PIK3CD: variants seen among roughly 807,000 people sequenced by gnomAD.
PIK3CD encodes phosphatidylinositol-4,5-bisphosphate 3-kinase catalytic subunit delta, also known as phosphatidylinositol 4,5-bisphosphate 3-kinase catalytic subunit delta isoform.
Under a neutral mutation model 122.9 loss-of-function variants are expected in PIK3CD, and 20 were observed. The observed-to-expected ratio is 0.16, with a 90% CI of 0.11 to 0.24. PIK3CD has a LOEUF of 0.24. PIK3CD is among the 10% of genes least tolerant of loss of function. PIK3CD has a pLI of 1.00. For synonymous variants in PIK3CD, 596 were observed against 593.4 expected (o/e 1.00, Z -0.06); for missense variants, 787 against 1,406.3 (o/e 0.56, Z 7.04).
At chr1:9,648,519 C>T (rs1036774324), upstream of PIK3CD, among the ~76,000 whole-genome samples, 14 of 152,202 alleles carry the variant, frequency 9.2e-5, no homozygotes, top group Non-Finnish European at 4.4e-5. Context: ...ACGGGCCGCT[C>T]CCTCAGGACA....
rs1349965169 is a variant in PIK3CD at position 9,653,697 on chromosome 1, G to A, written c.-138+1895G>A. The A allele has an allele frequency of 8.7e-6, 7 of 803,286 alleles. No homozygotes were observed. The Admixed American group carries it at 1.8e-4, about 21-fold the overall frequency. 49.8% of individuals were successfully genotyped at this position (803,286 alleles called of 1,614,324 possible). A position where few individuals can be genotyped will look rare whatever the true frequency, so the allele number is the denominator to read the frequency against. On this transcript the variant is annotated intron_variant, in intron 1 of 23. Transcript: ENST00000377346. ...TGATGAGGCTGCGACCAAACGCAAG[G>A]AGATATAAATAGAGCTTTCTCTTTG... is the stretch of plus-strand genomic sequence containing the variant.
chr1:9,724,724 G>T lies in PIK3CD; in HGVS notation c.2865-80G>T. The T allele has an allele frequency of 1.3e-6, 2 of 1,572,298 alleles. No individual in the cohort carries two copies. Among genetic ancestry groups the T allele is most frequent in the South Asian group, 1.1e-5 (1 of 90,064 alleles). ...CAAGGGCAGGTGTCCTTGGGGAAGGGGCTGGTTGGATGCAGAGCGGCCCTC... is the reference window on the plus strand; with the variant it reads ...CAAGGGCAGGTGTCCTTGGGGAAGGTGCTGGTTGGATGCAGAGCGGCCCTC... On this transcript the variant is annotated intron_variant, in intron 22 of 23. Coordinates refer to ENST00000377346, the MANE Select transcript of PIK3CD (RefSeq NM_005026.5). This position sits in a 1 kb window ranked among gnomAD's most constrained non-coding sequence, Gnocchi z 7.3.
chr1:9,669,728 A>G (rs1050718429), intron 1 of PIK3CD, among the ~76,000 whole-genome samples: 2 of 152,010 alleles, frequency 1.3e-5, no homozygotes, highest in African/African-American at 2.4e-5. Context: ...TGATGCCTGC[A>G]TTTTCCTCTT....
In PIK3CD at chr1:9,715,036, G is replaced by T. The variant is rs1647224697; in HGVS notation, c.142-505G>T. On this transcript the variant is annotated intron_variant, in intron 3 of 23. Transcript: ENST00000377346. This position sits in a 1 kb window ranked among gnomAD's most constrained non-coding sequence, Gnocchi z 4.1. ...AAAAAAATACAAAAAATTTAGCCAG[G>T]CATGGTGGTGCATGCCTATAATCCC... Among the ~76,000 whole-genome samples, 3 of 152,096 alleles carry T rather than the reference G, an allele frequency of 2.0e-5. No homozygotes were observed. Among genetic ancestry groups the T allele is most frequent in the Non-Finnish European group, 4.4e-5 (3 of 68,026 alleles).
Position 9,723,156 on chromosome 1 carries a change from G to A in PIK3CD, c.2458G>A (p.Asp820Asn). The A allele has an allele frequency of 6.2e-7, 1 of 1,613,698 alleles. No homozygotes were observed. The highest frequency in any genetic ancestry group is 8.5e-7 in the Non-Finnish European group (1 of 1,180,014). Residue 820 changes from aspartate (D) to asparagine (N), a missense_variant, in exon 20 of 24, where the codon GAC becomes AAC. By Grantham distance (23) the Asp-to-Asn change is conservative (BLOSUM62 1). Transcript: ENST00000377346. The surrounding 1 kb of genome is among the most constrained non-coding windows in gnomAD (Gnocchi z 4.9). ...CCCCTATGGCTGCCTCCCCACCGGGGACCGCACAGGCCTCATTGAGGTGGT... is the reference window on the plus strand; with the variant it reads ...CCCCTATGGCTGCCTCCCCACCGGGAACCGCACAGGCCTCATTGAGGTGGT... ...MTPYGCLPTGDRTGLIEVVLR... is the reference protein window; with the variant it reads ...MTPYGCLPTGNRTGLIEVVLR...
chr1:9,711,748 G>A (rs561469788), intron 3 of PIK3CD, among the ~76,000 whole-genome samples: 5 of 151,986 alleles, frequency 3.3e-5, no homozygotes, highest in East Asian at 1.9e-4. Flanking sequence ...CTAATTTTTC[G>A]TGTCTGTATT....
Position 9,722,542 on chromosome 1 carries a change from A to G in PIK3CD, c.2362A>G (p.Met788Val), listed in dbSNP as rs1648845956. ...CGGTGGCACAGACCTCCGGCAGGACATGCTGACCCTGCAGATGATCCAGCT... is the reference window on the plus strand; with the variant it reads ...CGGTGGCACAGACCTCCGGCAGGACGTGCTGACCCTGCAGATGATCCAGCT... ...FKNGDDLRQD[M>V]LTLQMIQLMD... The change falls in exon 19 of 24, where the codon ATG becomes GTG. Residue 788 changes from methionine (M) to valine (V), a missense_variant. Physicochemically the swap from Met to Val is conservative, Grantham distance 21 (BLOSUM62 1). Around this residue, in one of 6 missense-constraint regions of PIK3CD, gnomAD observed 69 missense variants for 166.8 expected, o/e 0.41. Coordinates refer to ENST00000377346, the MANE Select transcript of PIK3CD (RefSeq NM_005026.5). The surrounding 1 kb of genome is among the most constrained non-coding windows in gnomAD (Gnocchi z 7.6). The G allele has an allele frequency of 1.2e-6, 2 of 1,613,494 alleles. No homozygotes were observed. The highest frequency in any genetic ancestry group is 1.7e-6 in the Non-Finnish European group (2 of 1,179,866).
At chr1:9,661,106 T>G (rs1205396689) in intron 1 of PIK3CD, among the ~76,000 whole-genome samples, 1 of 152,044 alleles carries the variant, frequency 6.6e-6, no homozygotes, top group Non-Finnish European at 1.5e-5. Context: ...AGATAATTTG[T>G]GTATTTTTAG....
chr1:9,716,400 G>T, intron 5 of PIK3CD, 40 bp from the exon 6 acceptor site: 1 of 1,602,970 alleles, frequency 6.2e-7, no homozygotes, highest in South Asian at 1.1e-5. Flanking sequence ...AACCCCGGGG[G>T]GCCTCGAGGG....
intron 1 of PIK3CD, among the ~76,000 whole-genome samples, chr1:9,673,135 G>T (rs2101011444): frequency 6.9e-6 from 1 of 144,638 alleles, no homozygotes; most frequent in South Asian, 2.2e-4. Flanking sequence ...GTCTCGCTCT[G>T]TCACCTAGGC....
At position 9,724,935 on chromosome 1, in the gene PIK3CD, A is replaced by G. The variant is rs1649269196; in HGVS notation, c.2996A>G (p.Lys999Arg). Residue 999 changes from lysine (K) to arginine (R), a missense_variant and splice_region_variant, in exon 23 of 24, where the codon AAG becomes AGG. By Grantham distance (26) the Lys-to-Arg change is conservative. Around this residue, in one of 6 missense-constraint regions of PIK3CD, gnomAD observed 60 missense variants for 129.5 expected, o/e 0.46. Transcript: ENST00000377346. The surrounding 1 kb of genome is among the most constrained non-coding windows in gnomAD (Gnocchi z 7.3). ...TGCTCCAAAGACATCCAGTATCTCA[A>G]GGTATGTGCCGGGCAGGAGACTGCT... is the stretch of plus-strand genomic sequence containing the variant. The part of the protein sequence containing the change: ...LSCSKDIQYL[K>R]DSLALGKTEE... 2 of 1,613,672 alleles carry G rather than the reference A, an allele frequency of 1.2e-6. No individual in the cohort carries two copies. Among genetic ancestry groups the G allele is most frequent in the Non-Finnish European group, 1.7e-6 (2 of 1,180,036 alleles).
chr1:9,690,073 G>A (rs1646144104), intron 1 of PIK3CD, among the ~76,000 whole-genome samples: 1 of 152,202 alleles, frequency 6.6e-6, no homozygotes. Flanking sequence ...GTTCGGGGCA[G>A]GCTGTTTACT....
intron 1 of PIK3CD, chr1:9,654,143 TC>T (rs1439123875): frequency 1.6e-6 from 2 of 1,266,238 alleles, no homozygotes; most frequent in African/African-American, 1.5e-5. Context: ...GAGCCCCACT[TC>T]CCCCGCCCTT....
chr1:9,673,138 AC>A (rs2101011566), intron 1 of PIK3CD, among the ~76,000 whole-genome samples: 1 of 147,542 alleles, frequency 6.8e-6, no homozygotes, highest in Non-Finnish European at 1.5e-5. Context: ...TCGCTCTGTC[AC>A]CTAGGCTGGA....
At chr1:9,716,655 C>A in intron 6 of PIK3CD, 36 bp downstream of exon 6, 1 of 1,542,386 alleles carries the variant, frequency 6.5e-7, no homozygotes, top group South Asian at 1.2e-5. Flanking sequence ...TCTGGGCTCC[C>A]AACGCCCTGG....
chr1:9,650,931 T>C (rs1291381632), upstream of PIK3CD, among the ~76,000 whole-genome samples: 1 of 152,144 alleles, frequency 6.6e-6, no homozygotes, highest in Non-Finnish European at 1.5e-5. Flanking sequence ...GCAGCCTCCA[T>C]TTCCCTGGCT....
At position 9,719,980 on chromosome 1, in the gene PIK3CD, C is replaced by G. The variant is rs773753391; in HGVS notation, c.1302C>G (p.Thr434=). ...TTGACTACAAGGACCAGCTTAAGACCGGGGAACGCTGCCTCTACATGTGGC... is the reference window on the plus strand; with the variant it reads ...TTGACTACAAGGACCAGCTTAAGACGGGGGAACGCTGCCTCTACATGTGGC... ...MLFDYKDQLK[T]GERCLYMWPS... is the part of the protein sequence containing the mutation. Residue 434 remains threonine (T), a synonymous_variant, in exon 10 of 24, where the codon ACC becomes ACG. Coordinates refer to ENST00000377346, the MANE Select transcript of PIK3CD (RefSeq NM_005026.5). The surrounding 1 kb of genome is among the most constrained non-coding windows in gnomAD (Gnocchi z 5.5). 2.5e-6 allele frequency: 4 copies of G among 1,613,710 alleles called. No homozygotes were observed. Among genetic ancestry groups the G allele is most frequent in the Non-Finnish European group, 3.4e-6 (4 of 1,180,016 alleles).
chr1:9,636,151 ATGTG>A, the PIK3CD span, among the ~76,000 whole-genome samples: 1 of 152,122 alleles, frequency 6.6e-6, no homozygotes, highest in Non-Finnish European at 1.5e-5. Flanking sequence ...CACTGTGCCC[ATGTG>A]TGTATGTCAC....
At position 9,727,252 on chromosome 1, in the gene PIK3CD, C is replaced by A; in HGVS notation, c.*206C>A. ...CATAAACGGAAACGCCTCCTTCATGCAGCGGCGGTGCTGGGCCCCCCGAGG... is the reference window on the plus strand; with the variant it reads ...CATAAACGGAAACGCCTCCTTCATGAAGCGGCGGTGCTGGGCCCCCCGAGG... On this transcript the variant is annotated 3_prime_UTR_variant, in exon 24 of 24. Transcript: ENST00000377346. 1 of 630,666 alleles carries A rather than the reference C, an allele frequency of 1.6e-6. No individual in the cohort carries two copies. Among genetic ancestry groups the A allele is most frequent in the East Asian group, 2.8e-5 (1 of 35,248 alleles). 39.1% of individuals were successfully genotyped at this position (630,666 alleles called of 1,614,324 possible). A position where few individuals can be genotyped will look rare whatever the true frequency, so the allele number is the denominator to read the frequency against.
Sources: allele counts gnomAD v4.1 joint callset (sites outside exome capture counted in the v4.1 genomes callset), GRCh38; gene constraint gnomAD v4.1.1; regional missense constraint gnomAD v4.1.1; non-coding constraint Gnocchi (gnomAD v3.1); transcripts MANE v1.5; gene names NCBI Gene and HGNC (gene_info 2026-07-23, HGNC 2026-07-21).